The following C10orf67 variants were observed in gnomAD, a reference collection of about 807,000 sequenced individuals.
C10orf67 encodes chromosome 10 open reading frame 67.
C10orf67 carries 60 observed loss-of-function variants against 35.6 expected under a neutral mutation model. The ratio of observed to expected loss-of-function variants is 1.68; its 90% CI spans 1.37 to 2.09. C10orf67 has a LOEUF of 2.09. C10orf67 is among the 30% of genes most tolerant of loss of function. The probability of loss-of-function intolerance (pLI) is 0.00; values close to 1 mark genes in which losing one functional copy is unlikely to be tolerated. For missense variants in C10orf67, 474 were observed against 330.2 expected, an observed-to-expected ratio of 1.44 and a Z score of -3.38; for synonymous variants, 167 against 115.8, an observed-to-expected ratio of 1.44 and a Z score of -2.84.
At chr10:23,240,147 C>T (rs116419953) in intron 12 of C10orf67, among the ~76,000 whole-genome samples, 2,277 of 152,168 alleles carry the variant, frequency 0.015, 55 homozygotes, top group African/African-American at 0.052. Context: ...GCCGTGATTG[C>T]ACCACTGCAC....
intron 10 of C10orf67, 31 bp downstream of exon 10, chr10:23,266,231 G>A: frequency 5.0e-6 from 2 of 398,502 alleles, no homozygotes; most frequent in Non-Finnish European, 8.8e-6. Context: ...GAGGAAGGTG[G>A]ACAGGGTGTG....
At chr10:23,314,894 A>G (rs1161202649) in intron 4 of C10orf67, among the ~76,000 whole-genome samples, 1 of 152,226 alleles carries the variant, frequency 6.6e-6, no homozygotes, top group East Asian at 1.9e-4. Context: ...ACCAGAAGCA[A>G]AAGTTAAATA....
intron 7 of C10orf67, among the ~76,000 whole-genome samples, chr10:23,286,678 A>G (rs973493040): frequency 6.6e-6 from 1 of 151,226 alleles, no homozygotes; most frequent in African/African-American, 2.4e-5. Context: ...GGAGGGAGGA[A>G]TGGAAAAACT....
intron 15 of C10orf67, among the ~76,000 whole-genome samples, chr10:23,204,828 CTGG>C (rs1841115342): frequency 6.6e-6 from 1 of 152,126 alleles, no homozygotes; most frequent in South Asian, 2.1e-4. Flanking sequence ...GAACATTTAC[CTGG>C]TGCGTAAATT....
intron 3 of C10orf67, among the ~76,000 whole-genome samples, chr10:23,322,014 C>T (rs1320733536): frequency 2.0e-5 from 3 of 152,116 alleles, no homozygotes; most frequent in Admixed American, 1.3e-4. Flanking sequence ...TCTTGAACTC[C>T]CAGCTTCAAG....
At chr10:23,323,910 T>C (rs1271212777) in intron 2 of C10orf67, among the ~76,000 whole-genome samples, 1 of 20,122 alleles carries the variant, frequency 5.0e-5, no homozygotes, top group East Asian at 0.011. Flanking sequence ...TATATATATA[T>C]ATATATATAT....
intron 2 of C10orf67, 60 bp downstream of exon 2, chr10:23,333,002 A>G (rs1845541994): frequency 1.3e-6 from 2 of 1,522,534 alleles, no homozygotes; most frequent in Non-Finnish European, 1.8e-6. Context: ...TATGAAAGAA[A>G]CATGAAGGCA....
At chr10:23,225,044 A>G (rs576583952) in intron 13 of C10orf67, among the ~76,000 whole-genome samples, 5 of 152,308 alleles carry the variant, frequency 3.3e-5, no homozygotes, top group African/African-American at 1.2e-4. Context: ...CCTCGAGAAG[A>G]GCAACTCCAA....
At chr10:23,207,114 A>G (rs2131700643) in intron 15 of C10orf67, among the ~76,000 whole-genome samples, 1 of 150,364 alleles carries the variant, frequency 6.7e-6, no homozygotes. Flanking sequence ...AATGCAAAGG[A>G]GCTTGTTTGG....
intron 15 of C10orf67, among the ~76,000 whole-genome samples, chr10:23,216,663 C>T (rs1399821799): frequency 1.3e-5 from 2 of 151,988 alleles, no homozygotes; most frequent in Non-Finnish European, 2.9e-5. Context: ...TGAACTCAAG[C>T]TACATACAGC....
chr10:23,273,343 G>A lies in C10orf67; in HGVS notation c.976-6089C>T, dbSNP rs192536808. On this transcript the variant is annotated intron_variant, in intron 8 of 15. Coordinates refer to ENST00000636213, the MANE Select transcript of C10orf67 (RefSeq NM_001371909.1). ...GTAGATATCGCCTATCAGCTTGAGAGGTTCTCTTCTATTCCCAGTTTGCTG... is the reference window on the plus strand; with the variant it reads ...GTAGATATCGCCTATCAGCTTGAGAAGTTCTCTTCTATTCCCAGTTTGCTG... Among the ~76,000 whole-genome samples, 284 of 152,220 alleles carry A rather than the reference G, an allele frequency of 1.9e-3. 2 individuals are homozygous for A. Among genetic ancestry groups the A allele is most frequent in the African/African-American group, 6.7e-3 (277 of 41,548 alleles).
At chr10:23,273,966 G>A (rs897998975) in intron 8 of C10orf67, among the ~76,000 whole-genome samples, 2 of 152,154 alleles carry the variant, frequency 1.3e-5, no homozygotes, top group African/African-American at 4.8e-5. Context: ...TGGCCAGTCT[G>A]AGAAATAAAG....
At chr10:23,323,432 C>T (rs889715881) in intron 2 of C10orf67, among the ~76,000 whole-genome samples, 1 of 151,294 alleles carries the variant, frequency 6.6e-6, no homozygotes, top group Non-Finnish European at 1.5e-5. Context: ...CCAGCCTGGG[C>T]AATAGAGTGA....
At chr10:23,246,769 A>C (rs1198107125) in intron 12 of C10orf67, among the ~76,000 whole-genome samples, 1 of 152,156 alleles carries the variant, frequency 6.6e-6, no homozygotes, top group African/African-American at 2.4e-5. Flanking sequence ...AAAACGTAAA[A>C]AATAAAAAGA....
At chr10:23,291,947 T>C (rs1035559240) in intron 5 of C10orf67, among the ~76,000 whole-genome samples, 3 of 152,172 alleles carry the variant, frequency 2.0e-5, no homozygotes, top group Non-Finnish European at 4.4e-5. Context: ...TTTAATGCTA[T>C]TGAAGACTTT....
intron 1 of C10orf67, among the ~76,000 whole-genome samples, chr10:23,335,759 A>G (rs1845655023): frequency 6.6e-6 from 1 of 152,194 alleles, no homozygotes; most frequent in African/African-American, 2.4e-5. Context: ...AAAATATGCG[A>G]TATATTCTGA....
In C10orf67 at chr10:23,344,646, G is replaced by T; in HGVS notation, c.129C>A (p.Thr43=). The T allele has an allele frequency of 6.3e-7, 1 of 1,580,648 alleles. No homozygotes were observed. The highest frequency in any genetic ancestry group is 2.3e-5 in the East Asian group (1 of 42,866). ...TACGCGCGCAGCAGACCCGCAGCTC[G>T]GTGGCCTTGGCTTTCATGGCCTCCC... ...TRWEAMKAKA[T]ELRVCCARRK... Residue 43 remains threonine, a synonymous_variant, in exon 1 of 16, where the codon ACC becomes ACA. Coordinates refer to ENST00000636213, the MANE Select transcript of C10orf67 (RefSeq NM_001371909.1).
chr10:23,313,996 A>T (rs1844594313), intron 4 of C10orf67, among the ~76,000 whole-genome samples: 1 of 120,566 alleles, frequency 8.3e-6, no homozygotes, highest in Non-Finnish European at 1.6e-5. Flanking sequence ...ACTAGTTCAG[A>T]GGCAAACAAG....
intron 4 of C10orf67, among the ~76,000 whole-genome samples, chr10:23,304,513 G>A (rs1026969288): frequency 2.8e-4 from 43 of 152,214 alleles, no homozygotes; most frequent in Middle Eastern, 3.4e-3. Context: ...GAAGCCTGAA[G>A]TAGCCCCGTG....
Sources: gnomAD v4.1 joint callset for allele counts (sites outside exome capture counted in the v4.1 genomes callset) on GRCh38, gnomAD v4.1.1 for gene constraint, MANE v1.5 for transcripts, NCBI Gene and HGNC (gene_info 2026-07-23, HGNC 2026-07-21) for gene names.